CDK15: variants seen among roughly 807,000 people sequenced by gnomAD.
CDK15 encodes the protein cyclin dependent kinase 15.
CDK15 carries 62 observed loss-of-function variants against 60.3 expected under a neutral mutation model. The ratio of observed to expected loss-of-function variants is 1.03; its 90% CI spans 0.84 to 1.27. The LOEUF (loss-of-function observed/expected upper bound fraction) is 1.27, where lower values mean the gene tolerates loss of function less well. CDK15 is among the 50% of genes most tolerant of loss of function. CDK15 has a pLI of 0.00. For synonymous variants in CDK15, 194 were observed against 195.7 expected, an observed-to-expected ratio of 0.99 and a Z score of 0.07; for missense variants, 541 against 527.8, an observed-to-expected ratio of 1.03 and a Z score of -0.25.
chr2:201,844,960 C>T (rs943717377), intron 8 of CDK15, among the ~76,000 whole-genome samples: 1 of 151,870 alleles, frequency 6.6e-6, no homozygotes, highest in African/African-American at 2.4e-5. Context: ...ACCAGCCTGG[C>T]GAACATGGTG....
intron 12 of CDK15, among the ~76,000 whole-genome samples, chr2:201,884,056 A>C (rs1380586831): frequency 2.0e-5 from 3 of 152,204 alleles, no homozygotes; most frequent in Non-Finnish European, 4.4e-5. Context: ...CTGATTTTGG[A>C]ACCTAGCCAT....
chr2:201,830,892 C>T (rs1186567614), intron 6 of CDK15, among the ~76,000 whole-genome samples: 8 of 152,184 alleles, frequency 5.3e-5, no homozygotes, highest in Admixed American at 5.2e-4. Context: ...GAAAAACTAA[C>T]ATCCACTTGA....
intron 8 of CDK15, among the ~76,000 whole-genome samples, chr2:201,837,687 C>T (rs1394464584): frequency 6.6e-6 from 1 of 151,946 alleles, no homozygotes; most frequent in Non-Finnish European, 1.5e-5. Flanking sequence ...TTGGGGGCCA[C>T]TGTTAGATAT....
At chr2:201,859,566 G>C (rs1698296721) in intron 10 of CDK15, among the ~76,000 whole-genome samples, 2 of 152,068 alleles carry the variant, frequency 1.3e-5, no homozygotes, top group African/African-American at 4.8e-5. Flanking sequence ...CATTTCATTC[G>C]AAGTAGTCAT....
chr2:201,839,155 G>T (rs1238896555), intron 8 of CDK15, among the ~76,000 whole-genome samples: 1 of 151,958 alleles, frequency 6.6e-6, no homozygotes, highest in African/African-American at 2.4e-5. Flanking sequence ...GATCTGTTTA[G>T]CTATACTTTA....
intron 10 of CDK15, among the ~76,000 whole-genome samples, chr2:201,871,698 A>G (rs1698856223): frequency 6.6e-6 from 1 of 152,162 alleles, no homozygotes; most frequent in South Asian, 2.1e-4. Flanking sequence ...AGTTGCTGTA[A>G]CAAAGTCACA....
At chr2:201,824,734 T>A in intron 6 of CDK15, 1 of 594,890 alleles carries the variant, frequency 1.7e-6, no homozygotes, top group Non-Finnish European at 2.5e-6. Flanking sequence ...GCAGAATTCA[T>A]ATATCATCAA....
intron 11 of CDK15, among the ~76,000 whole-genome samples, chr2:201,873,357 G>A (rs1698933472): frequency 2.0e-5 from 3 of 152,144 alleles, no homozygotes; most frequent in Admixed American, 6.5e-5. Context: ...CAGGTTCTAG[G>A]GAACTACTGT....
chr2:201,832,557 A>C (rs1310218965), intron 6 of CDK15, among the ~76,000 whole-genome samples: 1 of 152,248 alleles, frequency 6.6e-6, no homozygotes, highest in Non-Finnish European at 1.5e-5. Flanking sequence ...CATCAGAAAG[A>C]GAAAATGCTG....
chr2:201,812,450 A>G lies in CDK15; in HGVS notation c.369-33A>G, dbSNP rs186015436. 7.9e-6 allele frequency: 12 copies of G among 1,514,394 alleles called. No individual in the cohort carries two copies. The Admixed American group carries it at 8.5e-5, about 11-fold the overall frequency. 93.8% of individuals were successfully genotyped at this position (1,514,394 alleles called of 1,614,324 possible). A position where few individuals can be genotyped will look rare whatever the true frequency, so the allele number is the denominator to read the frequency against. On this transcript the variant is annotated intron_variant, in intron 3 of 13. Coordinates refer to ENST00000652192, the MANE Select transcript of CDK15 (RefSeq NM_001366386.2). ...TAAATTGCTGCTTTGAACCACCTCA[A>G]TAAGTGTGTGCCCCTCAATCCCTCT...
At chr2:201,861,247 C>CCG in intron 10 of CDK15, 1 of 1,014,580 alleles carries the variant, frequency 9.9e-7, no homozygotes, top group Non-Finnish European at 1.2e-6. Flanking sequence ...GTGCCAGACA[C>CCG]AGAACATACA....
chr2:201,819,795 G>A (rs1696143283), intron 4 of CDK15, among the ~76,000 whole-genome samples: 1 of 152,194 alleles, frequency 6.6e-6, no homozygotes, highest in African/African-American at 2.4e-5. Flanking sequence ...TGGTTAAAAA[G>A]ATTTCCGCAA....
intron 5 of CDK15, 61 bp from the exon 6 acceptor site, chr2:201,823,604 T>TA: frequency 7.2e-7 from 1 of 1,396,028 alleles, no homozygotes; most frequent in Non-Finnish European, 1.0e-6. Flanking sequence ...TGTTCTGCTT[T>TA]AGGATGCTAT....
Position 201,854,854 on chromosome 2 carries a change from C to T in CDK15, c.946-20C>T, listed in dbSNP as rs756725510. 6.2e-7 allele frequency: 1 copy of T among 1,612,908 alleles called. No individual in the cohort carries two copies. Among genetic ancestry groups the T allele is most frequent in the South Asian group, 1.1e-5 (1 of 91,034 alleles). ...ATCTCCCCACCTCACCTTTCTTTTTCTTTGTTTGGCTTTATATAGGTGCTG... is the reference window on the plus strand; with the variant it reads ...ATCTCCCCACCTCACCTTTCTTTTTTTTTGTTTGGCTTTATATAGGTGCTG... On this transcript the variant is annotated intron_variant, in intron 9 of 13. Transcript: ENST00000652192.
At chr2:201,851,949 G>A (rs1315442478) in intron 9 of CDK15, among the ~76,000 whole-genome samples, 4 of 152,084 alleles carry the variant, frequency 2.6e-5, no homozygotes, top group East Asian at 1.9e-4. Context: ...GTGAGCCACC[G>A]TGCCCGGCCC....
At chr2:201,847,199 G>A (rs1697708392) in intron 8 of CDK15, among the ~76,000 whole-genome samples, 182 bp from the exon 9 acceptor site, 2 of 152,112 alleles carry the variant, frequency 1.3e-5, no homozygotes, top group African/African-American at 4.8e-5. Flanking sequence ...TTAATAAAAA[G>A]CTGTGGGCTG....
At chr2:201,809,568 T>A (rs936183752) in intron 3 of CDK15, among the ~76,000 whole-genome samples, 2 of 152,220 alleles carry the variant, frequency 1.3e-5, no homozygotes, top group Non-Finnish European at 2.9e-5. Context: ...TGATTTTAAT[T>A]ATTGTTGCTT....
chr2:201,837,303 C>CAGAGAGAG (rs112414025), intron 8 of CDK15, among the ~76,000 whole-genome samples: 1,264 of 123,664 alleles, frequency 0.01, 25 homozygotes, highest in Non-Finnish European at 0.018. Flanking sequence ...AAGAAAGAAA[C>CAGAGAGAG]AGAGAGAGAG....
At chr2:201,828,478 A>G (rs1437701772) in intron 6 of CDK15, among the ~76,000 whole-genome samples, 1 of 152,226 alleles carries the variant, frequency 6.6e-6, no homozygotes, top group Non-Finnish European at 1.5e-5. Context: ...TCAAGGGAAG[A>G]AGAATTTCAA....
Sources: gnomAD v4.1 joint callset for allele counts (sites outside exome capture counted in the v4.1 genomes callset) on GRCh38, gnomAD v4.1.1 for gene constraint, MANE v1.5 for transcripts, NCBI Gene and HGNC (gene_info 2026-07-23, HGNC 2026-07-21) for gene names.